PCDHGA1: variants seen among roughly 807,000 people sequenced by gnomAD.
The protein encoded by PCDHGA1 is protocadherin gamma-A1.
In PCDHGA1, 32 loss-of-function variants were observed where a neutral mutation model predicts 58.0. The ratio of observed to expected loss-of-function variants is 0.55; its 90% CI spans 0.42 to 0.74. The LOEUF (loss-of-function observed/expected upper bound fraction) is 0.74. PCDHGA1 is among the 30% of genes least tolerant of loss of function. The pLI is 0.00. For synonymous variants in PCDHGA1, 498 were observed against 501.1 expected, an observed-to-expected ratio of 0.99 and a Z score of 0.08; for missense variants, 1,205 against 1,182.3, an observed-to-expected ratio of 1.02 and a Z score of -0.28.
At chr5:141,345,503 A>G (rs768035352) in intron 1 of PCDHGA1, 2 of 1,614,120 alleles carry the variant, frequency 1.2e-6, no homozygotes, top group East Asian at 2.2e-5. Context: ...TCACTTATGC[A>G]TTGACCGAGG....
intron 1 of PCDHGA1, chr5:141,395,381 A>T (rs562557513): frequency 2.7e-6 from 3 of 1,094,770 alleles, no homozygotes; most frequent in Non-Finnish European, 3.8e-6. Flanking sequence ...TGGTGTTACT[A>T]TAAAATTGAA....
intron 1 of PCDHGA1, chr5:141,404,393 A>G: frequency 6.2e-7 from 1 of 1,613,962 alleles, no homozygotes; most frequent in Non-Finnish European, 8.5e-7. Flanking sequence ...TGACCCTGAT[A>G]GCAATGAGAA....
At chr5:141,350,723 C>A (rs1394081378) in intron 1 of PCDHGA1, 4 of 1,613,944 alleles carry the variant, frequency 2.5e-6, no homozygotes, top group Non-Finnish European at 3.4e-6. Context: ...GGATTCTGCT[C>A]AAGATGCAGA....
intron 1 of PCDHGA1, chr5:141,366,578 C>T: frequency 6.2e-7 from 1 of 1,614,264 alleles, no homozygotes; most frequent in Non-Finnish European, 8.5e-7. Flanking sequence ...TCGGGCTTTC[C>T]TGCAGACCTA....
At chr5:141,375,842 C>G (rs547807235) in intron 1 of PCDHGA1, 4 of 1,614,122 alleles carry the variant, frequency 2.5e-6, no homozygotes, top group Non-Finnish European at 3.4e-6. Context: ...GCCCGGCTAC[C>G]TGGTGACCAA....
intron 1 of PCDHGA1, among the ~76,000 whole-genome samples, chr5:141,380,521 A>G (rs1183307813): frequency 1.3e-5 from 2 of 152,218 alleles, no homozygotes; most frequent in South Asian, 4.1e-4. Flanking sequence ...TAAACTATGA[A>G]ATGATTTCAA....
Position 141,332,414 on chromosome 5 carries a change from T to G in PCDHGA1, c.1730T>G (p.Leu577Arg). 1 of 1,614,124 alleles carries G rather than the reference T, an allele frequency of 6.2e-7. No individual in the cohort carries two copies. The highest frequency in any genetic ancestry group is 1.3e-5 in the African/African-American group (1 of 75,042). ...LPTDGSTGVE[L>R]APLSAEPGYL... is the part of the protein sequence containing the mutation. Reference sequence around the variant, plus strand: ...ACAGATGGTTCTACCGGCGTGGAGCTGGCGCCCCTCTCCGCAGAGCCCGGC... The same window carrying G: ...ACAGATGGTTCTACCGGCGTGGAGCGGGCGCCCCTCTCCGCAGAGCCCGGC... The change falls in exon 1 of 4, where the codon CTG becomes CGG. Residue 577 changes from leucine (L) to arginine (R), a missense_variant. Coordinates refer to ENST00000517417, the MANE Select transcript of PCDHGA1 (RefSeq NM_018912.3). This position sits in a 1 kb window ranked among gnomAD's most constrained non-coding sequence, Gnocchi z 4.6.
intron 1 of PCDHGA1, among the ~76,000 whole-genome samples, chr5:141,438,872 G>T (rs13178044): frequency 0.11 from 16,734 of 151,118 alleles, 1,094 homozygotes; most frequent in African/African-American, 0.17. Flanking sequence ...CATCAAGTTG[G>T]CCAGGCTGCT....
Position 141,431,003 on chromosome 5 carries a change from G to C in PCDHGA1, c.2422-63804G>C. The C allele has an allele frequency of 6.2e-7, 1 of 1,614,078 alleles. No individual in the cohort carries two copies. The highest frequency in any genetic ancestry group is 8.5e-7 in the Non-Finnish European group (1 of 1,179,974). On this transcript the variant is annotated intron_variant, in intron 1 of 3. Transcript: ENST00000517417. The surrounding 1 kb of genome is among the most constrained non-coding windows in gnomAD (Gnocchi z 4.8). ...GCTTTTCGCCCTGAATCCGCGCAGC[G>C]GCAGCTTGGTCACGGCGGGCAGGAT... is the stretch of plus-strand genomic sequence containing the variant.
rs372460685 is a variant in PCDHGA1 at position 141,365,741 on chromosome 5, A to G, written c.2421+32636A>G. 63 of 1,613,506 alleles carry G rather than the reference A, an allele frequency of 3.9e-5. No individual in the cohort carries two copies. In the Middle Eastern group the frequency reaches 1.6e-3, roughly 42 times the overall value. On this transcript the variant is annotated intron_variant, in intron 1 of 3. Coordinates refer to ENST00000517417, the MANE Select transcript of PCDHGA1 (RefSeq NM_018912.3). ...AGAAAACAATCCCAGAGGTGTCTCT[A>G]TCTTCTCTGTGACAGCCCATGACCC...
intron 1 of PCDHGA1, among the ~76,000 whole-genome samples, chr5:141,481,095 C>T (rs1456056389): frequency 1.3e-5 from 2 of 152,120 alleles, no homozygotes; most frequent in African/African-American, 2.4e-5. Context: ...AAAAGCAGTA[C>T]TCTGGAACCT....
chr5:141,427,428 T>A (rs1489623330), intron 1 of PCDHGA1: 1 of 470,472 alleles, frequency 2.1e-6, no homozygotes. Context: ...GGAGGTTACA[T>A]GCCTCATAAA....
chr5:141,346,535 T>G (rs770453320), intron 1 of PCDHGA1: 12 of 1,565,668 alleles, frequency 7.7e-6, no homozygotes, highest in Non-Finnish European at 1.0e-5. Context: ...ACATATGTAT[T>G]TGAGAAATAA....
chr5:141,381,702 C>CT (rs1561588740), intron 1 of PCDHGA1, among the ~76,000 whole-genome samples: 1 of 151,968 alleles, frequency 6.6e-6, no homozygotes, highest in Admixed American at 6.6e-5. Flanking sequence ...CGATTTCTTT[C>CT]TTTTTTTCTC....
At chr5:141,373,265 A>G (rs1038274272) in intron 1 of PCDHGA1, among the ~76,000 whole-genome samples, 1 of 152,258 alleles carries the variant, frequency 6.6e-6, no homozygotes, top group Non-Finnish European at 1.5e-5. Context: ...TTAAAAGTAT[A>G]CACAGATGTT....
chr5:141,400,439 C>T, intron 1 of PCDHGA1: 1 of 1,614,056 alleles, frequency 6.2e-7, no homozygotes. Context: ...CAATTGAGTT[C>T]AGGACAAGAC....
intron 1 of PCDHGA1, among the ~76,000 whole-genome samples, chr5:141,358,148 A>G (rs1760835036): frequency 6.6e-6 from 1 of 152,192 alleles, no homozygotes; most frequent in African/African-American, 2.4e-5. Flanking sequence ...TGAGATCATG[A>G]CACTGTACTC....
intron 1 of PCDHGA1, chr5:141,413,330 T>G (rs770842309): frequency 6.2e-7 from 1 of 1,613,812 alleles, no homozygotes; most frequent in Non-Finnish European, 8.5e-7. Context: ...GTGGGCAACA[T>G]CTCCAAGGAC....
chr5:141,357,256 G>C, intron 1 of PCDHGA1: 1 of 1,613,738 alleles, frequency 6.2e-7, no homozygotes, highest in Admixed American at 1.7e-5. Flanking sequence ...AGACCCAGAC[G>C]ACTCGGGCCT....
Sources: allele counts gnomAD v4.1 joint callset (sites outside exome capture counted in the v4.1 genomes callset), GRCh38; gene constraint gnomAD v4.1.1; non-coding constraint Gnocchi (gnomAD v3.1); transcripts MANE v1.5; gene names NCBI Gene and HGNC (gene_info 2026-07-23, HGNC 2026-07-21).